CENPP: variants seen among roughly 807,000 people sequenced by gnomAD.
CENPP encodes the protein centromere protein P.
CENPP carries 24 observed loss-of-function variants against 35.6 expected under a neutral mutation model. That is an observed-to-expected ratio of 0.67 (90% CI 0.49 to 0.95). The LOEUF (loss-of-function observed/expected upper bound fraction) is 0.95. CENPP is among the 40% of genes least tolerant of loss of function. CENPP has a pLI of 0.00. For missense variants in CENPP, 332 were observed against 345.3 expected, an observed-to-expected ratio of 0.96 and a Z score of 0.31; for synonymous variants, 120 against 125.5, an observed-to-expected ratio of 0.96 and a Z score of 0.29.
chr9:92,521,223 C>T (rs1848050054), intron 5 of CENPP, among the ~76,000 whole-genome samples: 1 of 152,174 alleles, frequency 6.6e-6, no homozygotes, highest in South Asian at 2.1e-4. Flanking sequence ...CCCTTTAGTA[C>T]ATATAAAAAC....
intron 5 of CENPP, among the ~76,000 whole-genome samples, chr9:92,557,525 C>A (rs1849753114): frequency 6.6e-6 from 1 of 152,118 alleles, no homozygotes; most frequent in Admixed American, 6.5e-5. Flanking sequence ...TTTTCTTATT[C>A]TTTTTTCTCT....
At chr9:92,520,966 G>A (rs1848030409) in intron 5 of CENPP, among the ~76,000 whole-genome samples, 1 of 152,214 alleles carries the variant, frequency 6.6e-6, no homozygotes, top group Middle Eastern at 3.2e-3. Context: ...GGGGAGAAAT[G>A]GGGAGTTTAG....
At chr9:92,425,549 TC>T (rs1843942594) in intron 5 of CENPP, among the ~76,000 whole-genome samples, 1 of 152,214 alleles carries the variant, frequency 6.6e-6, no homozygotes, top group East Asian at 1.9e-4. Context: ...GGGGGGGAAT[TC>T]TTTTAAGCTT....
rs780015343 is a variant in CENPP at position 92,514,812 on chromosome 9, G to A, written c.565-96502G>A. The A allele has an allele frequency of 7.4e-6, 12 of 1,612,976 alleles. No individual in the cohort carries two copies. The South Asian group carries it at 1.3e-4, about 18-fold the overall frequency. On this transcript the variant is annotated intron_variant, in intron 5 of 7. Coordinates refer to ENST00000375587, the MANE Select transcript of CENPP (RefSeq NM_001012267.3). ...TTCGGAACATATCTCCTCTTACCGGGTCCTCCTCGTCCTCCTCATCCTCCT... is the reference window on the plus strand; with the variant it reads ...TTCGGAACATATCTCCTCTTACCGGATCCTCCTCGTCCTCCTCATCCTCCT...
chr9:92,514,812 G>C (rs780015343), intron 5 of CENPP: 1 of 1,612,976 alleles, frequency 6.2e-7, no homozygotes, highest in Non-Finnish European at 8.5e-7. Flanking sequence ...CTCTTACCGG[G>C]TCCTCCTCGT....
intron 5 of CENPP, among the ~76,000 whole-genome samples, chr9:92,399,466 T>C (rs1843021659): frequency 6.6e-6 from 1 of 152,228 alleles, no homozygotes; most frequent in East Asian, 1.9e-4. Context: ...GTGAGCTCTT[T>C]ATCTAGTGAT....
At chr9:92,432,223 G>C (rs2130988868) in intron 5 of CENPP, among the ~76,000 whole-genome samples, 1 of 152,178 alleles carries the variant, frequency 6.6e-6, no homozygotes, top group South Asian at 2.1e-4. Flanking sequence ...TACTTGGGAG[G>C]CTGAGGCAGG....
At chr9:92,535,985 G>A (rs757366873) in intron 5 of CENPP, 4 of 512,562 alleles carry the variant, frequency 7.8e-6, no homozygotes, top group African/African-American at 5.8e-5. Flanking sequence ...GTCTCCAGCT[G>A]AAAATGAAAC....
chr9:92,581,890 ATTC>A (rs1850434252), intron 5 of CENPP, among the ~76,000 whole-genome samples: 1 of 152,182 alleles, frequency 6.6e-6, no homozygotes, highest in Non-Finnish European at 1.5e-5. Flanking sequence ...AATGTTCTGA[ATTC>A]TTGTGTTCAA....
intron 2 of CENPP, among the ~76,000 whole-genome samples, chr9:92,334,895 CAAAA>C (rs769231688): frequency 4.1e-5 from 6 of 145,846 alleles, no homozygotes; most frequent in South Asian, 2.2e-4. Context: ...ACCAAAAAAA[CAAAA>C]AAAAAGGCCG....
In CENPP at chr9:92,325,977, C is replaced by T. The variant is rs1041964607; in HGVS notation, c.-22C>T. ...CGGAGTGACAGCTGCGCTGCCGGCC[C>T]GGCTGCGGTCAGCAACGCGCCATGG... On this transcript the variant is annotated 5_prime_UTR_variant, in exon 1 of 8. Transcript: ENST00000375587. 2 of 1,542,190 alleles carry T rather than the reference C, an allele frequency of 1.3e-6. No homozygotes were observed. Among genetic ancestry groups the T allele is most frequent in the African/African-American group, 1.4e-5 (1 of 72,620 alleles).
At chr9:92,438,705 C>G (rs540004519) in intron 5 of CENPP, among the ~76,000 whole-genome samples, 1 of 152,346 alleles carries the variant, frequency 6.6e-6, no homozygotes, top group Admixed American at 6.5e-5. Flanking sequence ...GGAATCCCAG[C>G]ACTTTGGGAG....
intron 5 of CENPP, among the ~76,000 whole-genome samples, chr9:92,602,920 A>G (rs187918513): frequency 4.7e-4 from 70 of 150,054 alleles, no homozygotes; most frequent in Non-Finnish European, 6.1e-4. Flanking sequence ...CCTCCCGAGT[A>G]GCTGGGATTA....
At chr9:92,532,029 A>ATTTTTTTTTTTTTTTT (rs201461115) in intron 5 of CENPP, among the ~76,000 whole-genome samples, 9 of 91,046 alleles carry the variant, frequency 9.9e-5, no homozygotes, top group Admixed American at 2.2e-4. Flanking sequence ...TTTTTTTTTT[A>ATTTTTTTTTTTTTTTT]TTTTATTTTT....
chr9:92,561,336 T>C (rs1275653201), intron 5 of CENPP, among the ~76,000 whole-genome samples: 1 of 152,198 alleles, frequency 6.6e-6, no homozygotes, highest in Non-Finnish European at 1.5e-5. Context: ...TTGTAGATAA[T>C]TCATGGAACT....
chr9:92,384,896 T>A (rs1842363381), intron 5 of CENPP: 1 of 152,572 alleles, frequency 6.6e-6, no homozygotes, highest in Admixed American at 6.5e-5. Flanking sequence ...TTTGGCCTGC[T>A]TGAGTTTAAA....
At chr9:92,457,313 A>G (rs1344673721) in intron 5 of CENPP, 1 of 1,613,974 alleles carries the variant, frequency 6.2e-7, no homozygotes, top group Non-Finnish European at 8.5e-7. Flanking sequence ...CCCAAGCTGA[A>G]CGCTCATTCT....
chr9:92,423,628 G>A (rs540345129), intron 5 of CENPP, among the ~76,000 whole-genome samples: 20 of 151,708 alleles, frequency 1.3e-4, no homozygotes, highest in South Asian at 2.1e-4. Context: ...CATTTAAATC[G>A]TAATTAACTA....
At chr9:92,357,691 T>C (rs1348278605) in intron 4 of CENPP, among the ~76,000 whole-genome samples, 2 of 151,890 alleles carry the variant, frequency 1.3e-5, no homozygotes, top group East Asian at 3.9e-4. Flanking sequence ...AGAGATGGTG[T>C]TTCTCCATGT....
Sources: gnomAD v4.1 joint callset for allele counts (sites outside exome capture counted in the v4.1 genomes callset) on GRCh38, gnomAD v4.1.1 for gene constraint, MANE v1.5 for transcripts, NCBI Gene and HGNC (gene_info 2026-07-23, HGNC 2026-07-21) for gene names.